Variants in PTPRM observed in about 807,000 individuals in gnomAD.
The protein encoded by PTPRM is receptor-type tyrosine-protein phosphatase mu.
In PTPRM, 47 loss-of-function variants were observed where a neutral mutation model predicts 186.7. That is an observed-to-expected ratio of 0.25 (90% CI 0.20 to 0.32). PTPRM has a LOEUF of 0.32. Among genes scored for constraint, PTPRM ranks in the 10% least tolerant of loss-of-function variants. The pLI is 1.00. For missense variants in PTPRM, 1,494 were observed against 1,865.0 expected, an observed-to-expected ratio of 0.80 and a Z score of 3.66; for synonymous variants, 668 against 674.9, an observed-to-expected ratio of 0.99 and a Z score of 0.16.
intron 19 of PTPRM, among the ~76,000 whole-genome samples, chr18:8,286,416 A>C (rs1024091210): frequency 6.6e-5 from 10 of 152,228 alleles, no homozygotes; most frequent in Admixed American, 3.3e-4. Flanking sequence ...GATCAGCACC[A>C]CGTGGAAACT....
chr18:8,298,488 T>C (rs1159995253), intron 20 of PTPRM, among the ~76,000 whole-genome samples: 3 of 152,186 alleles, frequency 2.0e-5, no homozygotes, highest in East Asian at 1.9e-4. Flanking sequence ...CTTTCTCCAA[T>C]ACAACATTGA....
intron 2 of PTPRM, among the ~76,000 whole-genome samples, chr18:7,848,771 A>G (rs1389131688): frequency 6.6e-6 from 1 of 152,208 alleles, no homozygotes; most frequent in Non-Finnish European, 1.5e-5. Flanking sequence ...TTGAAAGACA[A>G]AAATTTTAAA....
chr18:7,610,636 C>T (rs1054908324), intron 1 of PTPRM, among the ~76,000 whole-genome samples: 4 of 152,116 alleles, frequency 2.6e-5, no homozygotes, highest in African/African-American at 9.7e-5. Flanking sequence ...TCCTATTGCC[C>T]AATGACATCA....
chr18:7,996,642 T>G (rs572273276), intron 7 of PTPRM, among the ~76,000 whole-genome samples: 53 of 152,144 alleles, frequency 3.5e-4, no homozygotes, highest in Middle Eastern at 3.4e-3. Flanking sequence ...TAGAAATACC[T>G]TAAAAACTAT....
chr18:7,803,520 C>T (rs2044078375), intron 2 of PTPRM, among the ~76,000 whole-genome samples: 1 of 152,112 alleles, frequency 6.6e-6, no homozygotes, highest in African/African-American at 2.4e-5. Flanking sequence ...ATTTAACATC[C>T]TCATGCATTC....
chr18:8,158,727 G>T (rs2093171293), intron 14 of PTPRM, among the ~76,000 whole-genome samples: 1 of 152,178 alleles, frequency 6.6e-6, no homozygotes, highest in Non-Finnish European at 1.5e-5. Flanking sequence ...TCAGCTTCTG[G>T]TGAGGCCTCA....
At chr18:7,937,428 G>A (rs373826866) in intron 5 of PTPRM, among the ~76,000 whole-genome samples, 3 of 152,286 alleles carry the variant, frequency 2.0e-5, no homozygotes, top group African/African-American at 7.2e-5. Context: ...TCCCACCACA[G>A]CCAGTGTGCC....
At chr18:8,243,165 G>T (rs1248330960) in intron 14 of PTPRM, among the ~76,000 whole-genome samples, 3 of 152,108 alleles carry the variant, frequency 2.0e-5, no homozygotes, top group South Asian at 2.1e-4. Flanking sequence ...TCTGGCTTTT[G>T]TACAGGTGTC....
chr18:8,399,038 T>C (rs1364733682), intron 32 of PTPRM, among the ~76,000 whole-genome samples: 1 of 152,180 alleles, frequency 6.6e-6, no homozygotes, highest in Non-Finnish European at 1.5e-5. Context: ...TTACAACACA[T>C]TTAATTTGAA....
intron 20 of PTPRM, among the ~76,000 whole-genome samples, chr18:8,301,008 G>C (rs550536386): frequency 1.3e-5 from 2 of 152,174 alleles, no homozygotes; most frequent in South Asian, 4.2e-4. Flanking sequence ...ACCATCCCCT[G>C]CCTAAAAATT....
intron 1 of PTPRM, among the ~76,000 whole-genome samples, chr18:7,672,382 G>A (rs1436940588): frequency 1.3e-5 from 2 of 151,788 alleles, no homozygotes; most frequent in African/African-American, 4.8e-5. Flanking sequence ...AATATTTATT[G>A]GCATTACATT....
At chr18:8,192,482 C>G (rs1428816997) in intron 14 of PTPRM, among the ~76,000 whole-genome samples, 1 of 152,082 alleles carries the variant, frequency 6.6e-6, no homozygotes, top group East Asian at 1.9e-4. Flanking sequence ...ACACAAGAGC[C>G]TGCATGAAAG....
intron 3 of PTPRM, among the ~76,000 whole-genome samples, chr18:7,890,518 T>G (rs1315936843): frequency 7.6e-6 from 1 of 132,372 alleles, no homozygotes; most frequent in Admixed American, 7.4e-5. Flanking sequence ...AAATGTGTTG[T>G]TTTTTTTTAA....
chr18:7,951,492 A>C (rs1379947988), intron 6 of PTPRM, among the ~76,000 whole-genome samples: 2 of 152,212 alleles, frequency 1.3e-5, no homozygotes, highest in Non-Finnish European at 2.9e-5. Flanking sequence ...ATAAATTTCT[A>C]GTCTACCTGA....
intron 7 of PTPRM, among the ~76,000 whole-genome samples, chr18:8,002,174 A>G (rs539755449): frequency 6.6e-6 from 1 of 152,286 alleles, no homozygotes; most frequent in South Asian, 2.1e-4. Context: ...AAGAGTGCCT[A>G]ATAGACATTT....
intron 22 of PTPRM, among the ~76,000 whole-genome samples, chr18:8,328,512 C>T (rs1298654274): frequency 2.0e-5 from 3 of 152,192 alleles, no homozygotes; most frequent in Non-Finnish European, 2.9e-5. Context: ...CAAAGTTGTT[C>T]CTGCATTGTC....
chr18:8,054,673 T>C (rs1025584814), intron 7 of PTPRM, among the ~76,000 whole-genome samples: 7 of 152,044 alleles, frequency 4.6e-5, no homozygotes, highest in African/African-American at 1.7e-4. Flanking sequence ...ATTCTGTATA[T>C]ATAAAAAGCT....
At position 7,983,450 on chromosome 18, in the gene PTPRM, A is replaced by G. The variant is rs11875140; in HGVS notation, c.1132+28036A>G. Reference sequence around the variant, plus strand: ...ATAAAGGAACAGGAATGCCTGTTTTACTCACCAGACAGAGTCTTTGCCCTG... The same window carrying G: ...ATAAAGGAACAGGAATGCCTGTTTTGCTCACCAGACAGAGTCTTTGCCCTG... On this transcript the variant is annotated intron_variant, in intron 7 of 32. Transcript: ENST00000580170. 2.2e-3 allele frequency among the ~76,000 whole-genome samples: 330 copies of G among 152,122 alleles called. 4 individuals are homozygous for G. Among genetic ancestry groups the G allele is most frequent in the African/African-American group, 7.6e-3 (315 of 41,518 alleles).
chr18:8,151,776 C>T (rs1254891627), intron 14 of PTPRM, among the ~76,000 whole-genome samples: 1 of 151,794 alleles, frequency 6.6e-6, no homozygotes, highest in Non-Finnish European at 1.5e-5. Context: ...AACCCGGGGC[C>T]CTGGTGGGGT....
Sources: gnomAD v4.1 joint callset for allele counts (sites outside exome capture counted in the v4.1 genomes callset) on GRCh38, gnomAD v4.1.1 for gene constraint, MANE v1.5 for transcripts, NCBI Gene and HGNC (gene_info 2026-07-23, HGNC 2026-07-21) for gene names.